The following CDKAL1 variants were observed in gnomAD, a reference collection of about 807,000 sequenced individuals.
The protein encoded by CDKAL1 is CDKAL1 threonylcarbamoyladenosine tRNA methylthiotransferase, also known as threonylcarbamoyladenosine tRNA methylthiotransferase.
A neutral mutation model predicts 68.2 loss-of-function variants in CDKAL1; 32 were observed. The ratio of observed to expected loss-of-function variants is 0.47; its 90% CI spans 0.35 to 0.63. The LOEUF is 0.63. Among genes scored for constraint, CDKAL1 ranks in the 30% least tolerant of loss-of-function variants. The probability of loss-of-function intolerance (pLI) is 0.00; values close to 1 mark genes in which losing one functional copy is unlikely to be tolerated. For synonymous variants in CDKAL1, 234 were observed against 244.3 expected (o/e 0.96, Z 0.39); for missense variants, 606 against 696.7 (o/e 0.87, Z 1.47).
At chr6:20,645,671 C>T (rs1029170713) in intron 4 of CDKAL1, among the ~76,000 whole-genome samples, 33 of 151,648 alleles carry the variant, frequency 2.2e-4, no homozygotes, top group African/African-American at 7.8e-4. Flanking sequence ...GCGGAGGTTG[C>T]AGTGAGCCGA....
chr6:20,809,730 CA>C, intron 8 of CDKAL1, among the ~76,000 whole-genome samples: 1 of 152,204 alleles, frequency 6.6e-6, no homozygotes, highest in Non-Finnish European at 1.5e-5. Flanking sequence ...AGGAAGAAGT[CA>C]ATTCAAAGAT....
intron 8 of CDKAL1, among the ~76,000 whole-genome samples, chr6:20,835,119 TG>T (rs1170627866): frequency 6.6e-6 from 1 of 152,080 alleles, no homozygotes; most frequent in Non-Finnish European, 1.5e-5. Context: ...CCTGGGCACT[TG>T]GGTAGAGGGT....
chr6:20,931,481 G>A (rs766117118), intron 9 of CDKAL1, among the ~76,000 whole-genome samples: 1 of 152,138 alleles, frequency 6.6e-6, no homozygotes, highest in Non-Finnish European at 1.5e-5. Context: ...TATTCTCCTG[G>A]TGCTGAATAA....
chr6:20,795,027 T>C (rs375539741), intron 8 of CDKAL1, among the ~76,000 whole-genome samples: 11 of 144,798 alleles, frequency 7.6e-5, no homozygotes, highest in African/African-American at 3.2e-4. Context: ...AAAGGCACTA[T>C]TGAGACTTCT....
intron 13 of CDKAL1, among the ~76,000 whole-genome samples, chr6:21,171,094 AT>A: frequency 1.3e-5 from 2 of 152,356 alleles, no homozygotes; most frequent in African/African-American, 4.8e-5. Flanking sequence ...CAATAAAAAA[AT>A]AATTAATCAC....
Position 21,065,028 on chromosome 6 carries a change from T to G in CDKAL1, c.1056-20T>G, listed in dbSNP as rs757985003. ...TGGCTTATAGTCAAGTTTTTACATT[T>G]TTGTCTTGTTATTTTCTAGAGTTCC... On this transcript the variant is annotated intron_variant, in intron 11 of 15. Transcript: ENST00000274695. 2.0e-6 allele frequency: 3 copies of G among 1,484,716 alleles called. No individual in the cohort carries two copies. The highest frequency in any genetic ancestry group is 2.7e-6 in the Non-Finnish European group (3 of 1,101,864). 92.0% of individuals were successfully genotyped at this position (1,484,716 alleles called of 1,614,324 possible). A position where few individuals can be genotyped will look rare whatever the true frequency, so the allele number is the denominator to read the frequency against.
At chr6:21,000,878 G>A (rs540220236) in intron 11 of CDKAL1, among the ~76,000 whole-genome samples, 112 of 152,306 alleles carry the variant, frequency 7.4e-4, no homozygotes, top group East Asian at 2.1e-3. Context: ...GAAGGTTTGA[G>A]GATTCTACTT....
At chr6:21,043,151 A>AG (rs1203852562) in intron 11 of CDKAL1, among the ~76,000 whole-genome samples, 1 of 152,184 alleles carries the variant, frequency 6.6e-6, no homozygotes, top group African/African-American at 2.4e-5. Flanking sequence ...GAGGTTTTTG[A>AG]GGGAAGGTAT....
At chr6:21,157,066 G>A (rs1776683845) in intron 13 of CDKAL1, among the ~76,000 whole-genome samples, 1 of 152,170 alleles carries the variant, frequency 6.6e-6, no homozygotes, top group Non-Finnish European at 1.5e-5. Context: ...TAGGTAGGGT[G>A]GAAAGAGATA....
chr6:21,030,068 A>G (rs1377988977), intron 11 of CDKAL1, among the ~76,000 whole-genome samples: 1 of 152,202 alleles, frequency 6.6e-6, no homozygotes, highest in African/African-American at 2.4e-5. Flanking sequence ...AAGACATGGA[A>G]CCAACCCAAA....
chr6:21,229,134 C>T (rs1446131658), intron 15 of CDKAL1, among the ~76,000 whole-genome samples: 1 of 152,172 alleles, frequency 6.6e-6, no homozygotes, highest in Non-Finnish European at 1.5e-5. Context: ...TTGTGGCTAA[C>T]AGCTGTGTTA....
chr6:20,918,805 G>T (rs1762829429), intron 9 of CDKAL1, among the ~76,000 whole-genome samples: 1 of 152,156 alleles, frequency 6.6e-6, no homozygotes, highest in South Asian at 2.1e-4. Context: ...GGGGCATTAA[G>T]AAAACACTGA....
chr6:20,927,957 TA>T (rs1322585164), intron 9 of CDKAL1, among the ~76,000 whole-genome samples: 1 of 152,242 alleles, frequency 6.6e-6, no homozygotes. Flanking sequence ...AGATGTTTCT[TA>T]AACAGTCTTA....
chr6:20,583,793 C>CG (rs1554156913), intron 4 of CDKAL1, among the ~76,000 whole-genome samples: 1 of 150,526 alleles, frequency 6.6e-6, no homozygotes, highest in East Asian at 2.0e-4. Flanking sequence ...CGCCCCCCCC[C>CG]ACTAGTTTCA....
intron 4 of CDKAL1, chr6:20,558,690 A>C: frequency 2.3e-6 from 1 of 435,372 alleles, no homozygotes; most frequent in Non-Finnish European, 4.6e-6. Context: ...ATAGATTGGC[A>C]GTGGTGACAA....
intron 9 of CDKAL1, among the ~76,000 whole-genome samples, chr6:20,930,352 T>C (rs1763382940): frequency 6.6e-6 from 1 of 152,230 alleles, no homozygotes; most frequent in South Asian, 2.1e-4. Flanking sequence ...TGCCAAGCTC[T>C]ATTTCTGTGC....
chr6:21,091,670 A>G (rs1773013311), intron 12 of CDKAL1, among the ~76,000 whole-genome samples: 3 of 151,988 alleles, frequency 2.0e-5, no homozygotes, highest in Admixed American at 2.0e-4. Context: ...ATGGATATCA[A>G]ATGCCCTCTT....
At position 21,163,837 on chromosome 6, in the gene CDKAL1, G is replaced by A. The variant is rs563271990; in HGVS notation, c.1300-34184G>A. 1.8e-3 allele frequency among the ~76,000 whole-genome samples: 279 copies of A among 152,198 alleles called. 1 individual carries two copies. The highest frequency in any genetic ancestry group is 6.8e-3 in the Middle Eastern group (2 of 294). ...CATGGTGGTGCATCCTGTAATCTCA[G>A]CTACTTGGAAGGCTGAGGCAGGAGA... is the stretch of plus-strand genomic sequence containing the variant. On this transcript the variant is annotated intron_variant, in intron 13 of 15. Coordinates refer to ENST00000274695, the MANE Select transcript of CDKAL1 (RefSeq NM_017774.3).
chr6:21,104,154 A>T (rs1773727296), intron 12 of CDKAL1, among the ~76,000 whole-genome samples: 2 of 152,228 alleles, frequency 1.3e-5, no homozygotes, highest in African/African-American at 4.8e-5. Flanking sequence ...CGGCTCTGAA[A>T]GCCCCATATC....
Sources: gnomAD v4.1 joint callset for allele counts (sites outside exome capture counted in the v4.1 genomes callset) on GRCh38, gnomAD v4.1.1 for gene constraint, MANE v1.5 for transcripts, NCBI Gene and HGNC (gene_info 2026-07-23, HGNC 2026-07-21) for gene names.